NRXN1: variants seen among roughly 807,000 people sequenced by gnomAD.
The protein encoded by NRXN1 is neurexin-1.
Under a neutral mutation model 150.9 loss-of-function variants are expected in NRXN1, and 39 were observed. The ratio of observed to expected loss-of-function variants is 0.26; its 90% CI spans 0.20 to 0.34. The LOEUF is 0.34. Among genes scored for constraint, NRXN1 ranks in the 10% least tolerant of loss-of-function variants. The probability of loss-of-function intolerance (pLI) is 1.00; values close to 1 mark genes in which losing one functional copy is unlikely to be tolerated. For missense variants in NRXN1, 1,815 were observed against 1,949.9 expected, an observed-to-expected ratio of 0.93 and a Z score of 1.30; for synonymous variants, 924 against 757.0, an observed-to-expected ratio of 1.22 and a Z score of -3.62.
chr2:50,004,863 G>A (rs1350693113), intron 21 of NRXN1, among the ~76,000 whole-genome samples: 1 of 152,106 alleles, frequency 6.6e-6, no homozygotes, highest in East Asian at 1.9e-4. Context: ...GACTTTTTCA[G>A]GAAAGACAAA....
At chr2:50,562,116 T>A (rs1669180585) in intron 8 of NRXN1, among the ~76,000 whole-genome samples, 1 of 152,156 alleles carries the variant, frequency 6.6e-6, no homozygotes, top group Non-Finnish European at 1.5e-5. Context: ...TTTGAACTGA[T>A]AATAACAAAA....
intron 17 of NRXN1, among the ~76,000 whole-genome samples, chr2:50,359,962 T>C (rs913839830): frequency 2.6e-5 from 4 of 152,098 alleles, no homozygotes; most frequent in African/African-American, 9.7e-5. Context: ...TCAACATTCT[T>C]AAAGAAAAGA....
intron 18 of NRXN1, among the ~76,000 whole-genome samples, chr2:50,159,946 T>C (rs968890874): frequency 1.8e-4 from 27 of 152,144 alleles, no homozygotes; most frequent in Admixed American, 1.4e-3. Flanking sequence ...TCCTCTTTAT[T>C]TTATAGCCCA....
intron 17 of NRXN1, among the ~76,000 whole-genome samples, chr2:50,404,793 T>C (rs902573069): frequency 6.6e-6 from 1 of 152,096 alleles, no homozygotes; most frequent in Admixed American, 6.6e-5. Context: ...CTTTGCAGTA[T>C]AAGAGTTTTG....
chr2:50,565,487 T>C (rs140363161), intron 8 of NRXN1, among the ~76,000 whole-genome samples: 184 of 152,224 alleles, frequency 1.2e-3, no homozygotes, highest in African/African-American at 4.3e-3. Context: ...TTTGGCCAGA[T>C]ATATAGACAT....
At chr2:50,043,137 T>C (rs1035219478) in intron 21 of NRXN1, among the ~76,000 whole-genome samples, 1 of 152,194 alleles carries the variant, frequency 6.6e-6, no homozygotes, top group African/African-American at 2.4e-5. Context: ...GTTTTTTTAC[T>C]TTTCTGAATC....
intron 5 of NRXN1, among the ~76,000 whole-genome samples, chr2:50,875,198 A>G (rs977594902): frequency 6.6e-6 from 1 of 151,748 alleles, no homozygotes; most frequent in South Asian, 2.1e-4. Flanking sequence ...TAAGAGGGGT[A>G]CATTTTTTTG....
At chr2:50,679,452 T>A (rs1442596501) in intron 5 of NRXN1, among the ~76,000 whole-genome samples, 1 of 151,686 alleles carries the variant, frequency 6.6e-6, no homozygotes, top group Non-Finnish European at 1.5e-5. Context: ...ATGTTTTAGC[T>A]CTCCCAGAAT....
intron 5 of NRXN1, among the ~76,000 whole-genome samples, chr2:50,837,574 C>T (rs1378919887): frequency 6.6e-6 from 1 of 152,006 alleles, no homozygotes; most frequent in African/African-American, 2.4e-5. Flanking sequence ...AGTTGCATAC[C>T]TGAGAGGACT....
chr2:50,694,771 A>G (rs1171091964), intron 5 of NRXN1, among the ~76,000 whole-genome samples: 1 of 152,198 alleles, frequency 6.6e-6, no homozygotes, highest in Non-Finnish European at 1.5e-5. Context: ...CCCAATATTC[A>G]TATTTAATCC....
intron 18 of NRXN1, among the ~76,000 whole-genome samples, chr2:50,181,654 A>G (rs2152811461): frequency 6.6e-6 from 1 of 152,248 alleles, no homozygotes; most frequent in East Asian, 1.9e-4. Context: ...TCTGATACAC[A>G]AATAAATATG....
At chr2:50,916,067 T>C (rs1238953591) in intron 5 of NRXN1, among the ~76,000 whole-genome samples, 1 of 146,506 alleles carries the variant, frequency 6.8e-6, no homozygotes, top group African/African-American at 2.5e-5. Context: ...AATCTGTGAA[T>C]GGTTTCCTTT....
chr2:50,680,003 G>C (rs1363395477), intron 5 of NRXN1, among the ~76,000 whole-genome samples: 1 of 151,712 alleles, frequency 6.6e-6, no homozygotes. Context: ...ATAGTGGTGT[G>C]CGCCTGTAGT....
chr2:50,829,624 T>C (rs1321530679), intron 5 of NRXN1: 5 of 1,611,804 alleles, frequency 3.1e-6, no homozygotes, highest in Non-Finnish European at 4.2e-6. Context: ...ACTTTACTAC[T>C]GGGGATTCCA....
At chr2:50,537,825 G>T (rs981994317) in intron 10 of NRXN1, among the ~76,000 whole-genome samples, 3 of 152,186 alleles carry the variant, frequency 2.0e-5, no homozygotes. Context: ...AGTTGTGTCA[G>T]GGAAGTTGCA....
chr2:50,203,221 G>A (rs1034116438), intron 18 of NRXN1, among the ~76,000 whole-genome samples: 5 of 152,144 alleles, frequency 3.3e-5, no homozygotes, highest in African/African-American at 9.7e-5. Context: ...TGAAGTCAAA[G>A]AGGAATAGCT....
chr2:49,992,956 A>G (rs1210519771), intron 21 of NRXN1, among the ~76,000 whole-genome samples: 2 of 152,242 alleles, frequency 1.3e-5, no homozygotes, highest in Non-Finnish European at 2.9e-5. Flanking sequence ...ATTCATTGCT[A>G]GTAGAAACGC....
intron 17 of NRXN1, among the ~76,000 whole-genome samples, chr2:50,415,799 T>C: frequency 6.6e-6 from 1 of 151,962 alleles, no homozygotes; most frequent in Admixed American, 6.6e-5. Flanking sequence ...TCTTGTGACA[T>C]AGTCTCTCAC....
intron 19 of NRXN1, among the ~76,000 whole-genome samples, chr2:50,073,828 C>A (rs938024833): frequency 6.6e-6 from 1 of 152,104 alleles, no homozygotes; most frequent in African/African-American, 2.4e-5. Flanking sequence ...TAAGCTCTTA[C>A]ACATAAATGA....
Sources: allele counts gnomAD v4.1 joint callset (sites outside exome capture counted in the v4.1 genomes callset), GRCh38; gene constraint gnomAD v4.1.1; transcripts MANE v1.5; gene names NCBI Gene and HGNC (gene_info 2026-07-23, HGNC 2026-07-21).